CNTN4: variants seen among roughly 807,000 people sequenced by gnomAD.
The protein encoded by CNTN4 is contactin 4, also known as contactin-4.
Under a neutral mutation model 122.5 loss-of-function variants are expected in CNTN4, and 77 were observed. The observed-to-expected ratio is 0.63, with a 90% CI of 0.52 to 0.76. CNTN4 has a LOEUF of 0.76. Ranked by LOEUF, CNTN4 falls within the 30% of genes least tolerant of loss-of-function variation. The pLI is 0.00. For synonymous variants in CNTN4, 512 were observed against 447.0 expected, an observed-to-expected ratio of 1.15 and a Z score of -1.83; for missense variants, 1,256 against 1,259.1, an observed-to-expected ratio of 1.00 and a Z score of 0.04.
At chr3:2,666,583 G>C (rs1053448298) in intron 4 of CNTN4, among the ~76,000 whole-genome samples, 1 of 120,718 alleles carries the variant, frequency 8.3e-6, no homozygotes, top group Non-Finnish European at 1.8e-5. Flanking sequence ...GGAATAAAAT[G>C]TTCTTTTTTT....
chr3:3,042,342 A>G lies in CNTN4; in HGVS notation c.2431A>G (p.Arg811Gly). 1.2e-6 allele frequency: 2 copies of G among 1,614,166 alleles called. No homozygotes were observed. The highest frequency in any genetic ancestry group is 2.2e-5 in the South Asian group (2 of 91,084). ...CAAACCACCAGCCAGTATCTTTGCC[A>G]GAAGTCTTTCTGCCACAGATATTGA... ...PTKPPASIFA[R>G]SLSATDIEVF... Residue 811 changes from arginine to glycine, a missense_variant, in exon 21 of 25, where the codon AGA becomes GGA. Coordinates refer to ENST00000418658, the MANE Select transcript of CNTN4 (RefSeq NM_175607.3).
intron 6 of CNTN4, among the ~76,000 whole-genome samples, chr3:2,803,953 TA>T (rs2092405891): frequency 6.6e-6 from 1 of 151,996 alleles, no homozygotes; most frequent in African/African-American, 2.4e-5. Context: ...TCATGTTGAG[TA>T]AAAATAGCAA....
chr3:2,634,621 G>A (rs1354346462), intron 4 of CNTN4, among the ~76,000 whole-genome samples: 1 of 151,000 alleles, frequency 6.6e-6, no homozygotes, highest in Admixed American at 6.6e-5. Context: ...ATGAGGTCAG[G>A]AGATCGAGAC....
chr3:2,580,054 TG>T (rs1445243259), intron 4 of CNTN4, among the ~76,000 whole-genome samples: 1 of 152,082 alleles, frequency 6.6e-6, no homozygotes, highest in African/African-American at 2.4e-5. Context: ...TGTGTGTGTG[TG>T]TGTGTATGTA....
At chr3:2,653,114 A>G (rs1018423440) in intron 4 of CNTN4, among the ~76,000 whole-genome samples, 2 of 152,110 alleles carry the variant, frequency 1.3e-5, no homozygotes, top group Non-Finnish European at 2.9e-5. Flanking sequence ...GTTCTCTATC[A>G]TTTTTAAAGG....
At chr3:2,372,660 C>T (rs2045674966) in intron 3 of CNTN4, among the ~76,000 whole-genome samples, 1 of 152,038 alleles carries the variant, frequency 6.6e-6, no homozygotes, top group South Asian at 2.1e-4. Flanking sequence ...TTTATTTCTT[C>T]AGCTCTAGAA....
intron 2 of CNTN4, among the ~76,000 whole-genome samples, chr3:2,205,056 G>C (rs2038276307): frequency 6.6e-6 from 1 of 151,906 alleles, no homozygotes; most frequent in South Asian, 2.1e-4. Flanking sequence ...TCAAAAACAT[G>C]AATTATCTTT....
chr3:2,988,479 G>T lies in CNTN4; in HGVS notation c.1486+7G>T, dbSNP rs1694778585. Reference sequence around the variant, plus strand: ...GGAAACTTGGTAGTGAAAGGTAATGGCTAACCCAAAGAATTCGAATATTTA... The same window carrying T: ...GGAAACTTGGTAGTGAAAGGTAATGTCTAACCCAAAGAATTCGAATATTTA... On this transcript the variant is annotated splice_region_variant and intron_variant, in intron 14 of 24. Coordinates refer to ENST00000418658, the MANE Select transcript of CNTN4 (RefSeq NM_175607.3). 6.2e-7 allele frequency: 1 copy of T among 1,613,418 alleles called. No homozygotes were observed. Among genetic ancestry groups the T allele is most frequent in the South Asian group, 1.1e-5 (1 of 91,074 alleles).
chr3:2,577,808 G>A (rs953969017), intron 4 of CNTN4, among the ~76,000 whole-genome samples: 2 of 152,166 alleles, frequency 1.3e-5, no homozygotes, highest in African/African-American at 4.8e-5. Context: ...AAAACTCTCT[G>A]TGAATGAGCG....
In CNTN4 at chr3:2,327,153, T is replaced by TGTGTGTGTTTG. The variant is rs1559455687; in HGVS notation, c.-144-12025_-144-12024insGTGTGTGTTTG. 3.1e-4 allele frequency among the ~76,000 whole-genome samples: 35 copies of TGTGTGTGTTTG among 114,118 alleles called. No homozygotes were observed. The East Asian group carries it at 4.1e-3, about 13-fold the overall frequency. The allele number at this position is 114,118 out of a possible 152,430, so 74.9% of individuals were successfully genotyped here. A position where few individuals can be genotyped will look rare whatever the true frequency, so the allele number is the denominator to read the frequency against. On this transcript the variant is annotated intron_variant, in intron 2 of 24. Coordinates refer to ENST00000418658, the MANE Select transcript of CNTN4 (RefSeq NM_175607.3). ...AATAGATGTGTGTGTGTGTGTGTGT[T>TGTGTGTGTTTG]TGTGTGTGTGTGTGTCTATAAAGTG...
At chr3:2,218,955 TAGAG>T (rs1188121892) in intron 2 of CNTN4, among the ~76,000 whole-genome samples, 4 of 152,166 alleles carry the variant, frequency 2.6e-5, no homozygotes, top group Admixed American at 1.3e-4. Flanking sequence ...GAGCATCTGT[TAGAG>T]AGAATGCCGG....
At chr3:2,340,685 T>TTATATATATATATATATATATATA (rs373402290) in intron 3 of CNTN4, among the ~76,000 whole-genome samples, 5 of 29,626 alleles carry the variant, frequency 1.7e-4, no homozygotes, top group Non-Finnish European at 1.7e-4. Context: ...GTCATAAATT[T>TTATATATATATATATATATATATA]TATATATATA....
intron 2 of CNTN4, among the ~76,000 whole-genome samples, chr3:2,117,267 G>A (rs2033420535): frequency 1.3e-5 from 2 of 152,168 alleles, no homozygotes; most frequent in African/African-American, 2.4e-5. Context: ...ACGTTTACTG[G>A]TTTATTATAA....
intron 14 of CNTN4, among the ~76,000 whole-genome samples, chr3:3,020,430 A>T (rs1420636387): frequency 6.6e-6 from 1 of 152,238 alleles, no homozygotes; most frequent in Non-Finnish European, 1.5e-5. Context: ...AATTCCGATG[A>T]GCTTCATGAA....
At chr3:2,338,225 C>T (rs548077081) in intron 2 of CNTN4, among the ~76,000 whole-genome samples, 37 of 151,894 alleles carry the variant, frequency 2.4e-4, no homozygotes, top group African/African-American at 7.7e-4. Context: ...TGGTTGTTAT[C>T]GATATTATCC....
chr3:2,671,400 C>T (rs62232712), intron 4 of CNTN4, among the ~76,000 whole-genome samples: 8 of 152,162 alleles, frequency 5.3e-5, no homozygotes, highest in East Asian at 3.9e-4. Context: ...GAAGCTTGTG[C>T]GTTCGTCACA....
intron 7 of CNTN4, among the ~76,000 whole-genome samples, chr3:2,836,739 A>G (rs1431676756): frequency 6.7e-6 from 1 of 149,576 alleles, no homozygotes; most frequent in Non-Finnish European, 1.5e-5. Context: ...AAAAATAAAA[A>G]CATAATGAAG....
chr3:2,610,104 C>G (rs145967629), intron 4 of CNTN4, among the ~76,000 whole-genome samples: 8 of 152,212 alleles, frequency 5.3e-5, no homozygotes, highest in Non-Finnish European at 1.2e-4. Context: ...ATACAAAATG[C>G]CAGGTTTTAC....
At chr3:2,827,766 T>A (rs1486387690) in intron 7 of CNTN4, among the ~76,000 whole-genome samples, 1 of 152,198 alleles carries the variant, frequency 6.6e-6, no homozygotes, top group Non-Finnish European at 1.5e-5. Flanking sequence ...GTGTACAGTA[T>A]GTGCCCGGAC....
Sources: allele counts gnomAD v4.1 joint callset (sites outside exome capture counted in the v4.1 genomes callset), GRCh38; gene constraint gnomAD v4.1.1; transcripts MANE v1.5; gene names NCBI Gene and HGNC (gene_info 2026-07-23, HGNC 2026-07-21).